Variants in TMEM178B observed in about 807,000 individuals in gnomAD.
TMEM178B encodes transmembrane protein 178B.
Under a neutral mutation model 31.0 loss-of-function variants are expected in TMEM178B, and 5 were observed. The ratio of observed to expected loss-of-function variants is 0.16; its 90% CI spans 0.08 to 0.34. The LOEUF (loss-of-function observed/expected upper bound fraction) is 0.34, where lower values mean the gene tolerates loss of function less well. Ranked by LOEUF, TMEM178B falls within the 10% of genes least tolerant of loss-of-function variation. The pLI is 1.00. For missense variants in TMEM178B, 275 were observed against 400.3 expected, an observed-to-expected ratio of 0.69 and a Z score of 2.67; for synonymous variants, 164 against 164.0, an observed-to-expected ratio of 1.00 and a Z score of 0.00.
chr7:141,245,783 T>A (rs1234202660), intron 2 of TMEM178B, among the ~76,000 whole-genome samples: 1 of 152,236 alleles, frequency 6.6e-6, no homozygotes, highest in African/African-American at 2.4e-5. Flanking sequence ...TCGATCTTCA[T>A]CCAAACCTTT....
intron 1 of TMEM178B, among the ~76,000 whole-genome samples, chr7:141,097,211 A>T (rs1218064996): frequency 6.6e-6 from 1 of 151,458 alleles, no homozygotes; most frequent in Non-Finnish European, 1.5e-5. Flanking sequence ...TGTAATATGA[A>T]TCCTATATCG....
At chr7:141,159,626 G>A (rs553573926) in intron 1 of TMEM178B, among the ~76,000 whole-genome samples, 7 of 152,330 alleles carry the variant, frequency 4.6e-5, no homozygotes, top group South Asian at 2.1e-4. Context: ...TCTCAGAAAC[G>A]AGGGAAATTC....
chr7:141,215,855 TTCTC>T (rs1370606590), intron 2 of TMEM178B, among the ~76,000 whole-genome samples: 28 of 141,758 alleles, frequency 2.0e-4, no homozygotes, highest in Admixed American at 1.4e-3. Context: ...TTTCTTTTCT[TTCTC>T]TTTCTTTCTT....
chr7:141,130,167 C>T (rs1031167454), intron 1 of TMEM178B, among the ~76,000 whole-genome samples: 13 of 152,124 alleles, frequency 8.5e-5, no homozygotes, highest in Non-Finnish European at 2.9e-5. Flanking sequence ...CGAATTTTCC[C>T]CCACGAAGAA....
rs1794573490 is a variant in TMEM178B at position 141,074,955 on chromosome 7, TC to T, written c.382+264del. On this transcript the variant is annotated intron_variant, in intron 1 of 3. Transcript: ENST00000565468. The surrounding 1 kb of genome is among the most constrained non-coding windows in gnomAD (Gnocchi z 5.1). ...CGAGTGGAACCTCATGGTCCAGGGT[TC>T]TTATCCAGGATAATGCTTCATCAGC... Among the ~76,000 whole-genome samples, 1 of 152,236 alleles carries T rather than the reference TC, an allele frequency of 6.6e-6. No individual in the cohort carries two copies. Among genetic ancestry groups the T allele is most frequent in the Non-Finnish European group, 1.5e-5 (1 of 68,038 alleles).
intron 3 of TMEM178B, among the ~76,000 whole-genome samples, chr7:141,469,846 A>T (rs374112213): frequency 6.6e-6 from 1 of 151,062 alleles, no homozygotes; most frequent in Non-Finnish European, 1.5e-5. Flanking sequence ...GAAATTCTGC[A>T]TAAAGTAGGG....
the TMEM178B span, among the ~76,000 whole-genome samples, chr7:141,506,884 T>C: frequency 1.3e-5 from 2 of 152,188 alleles, no homozygotes; most frequent in Non-Finnish European, 1.5e-5. Flanking sequence ...AATACAGCCT[T>C]TCCAAATGGG....
chr7:141,323,095 G>T (rs367892181), intron 2 of TMEM178B, among the ~76,000 whole-genome samples: 12 of 152,194 alleles, frequency 7.9e-5, no homozygotes, highest in Non-Finnish European at 2.9e-5. Flanking sequence ...TTTGAATGCT[G>T]CTTTTCACAG....
intron 2 of TMEM178B, among the ~76,000 whole-genome samples, chr7:141,310,268 A>G (rs535210563): frequency 3.2e-4 from 49 of 152,300 alleles, no homozygotes; most frequent in African/African-American, 1.1e-3. Context: ...AGTGGGCAAA[A>G]GACATGAATA....
chr7:141,280,811 G>A lies in TMEM178B; in HGVS notation c.496+68107G>A, dbSNP rs577024377. ...GAACTGGCATTTGTGCCCAGACCCT[G>A]GGTCTCGGGGGAATGACACAGGTGG... On this transcript the variant is annotated intron_variant, in intron 2 of 3. Transcript: ENST00000565468. Among the ~76,000 whole-genome samples the A allele has an allele frequency of 5.5e-4, 84 of 152,282 alleles. 3 individuals are homozygous for A. The South Asian group carries it at 0.016, about 30-fold the overall frequency.
At chr7:141,294,413 C>G (rs373756172) in intron 2 of TMEM178B, among the ~76,000 whole-genome samples, 1 of 152,212 alleles carries the variant, frequency 6.6e-6, no homozygotes, top group Non-Finnish European at 1.5e-5. Flanking sequence ...CACCAGCTTT[C>G]TCTCTGACAG....
At chr7:141,399,909 A>G (rs975758433) in intron 2 of TMEM178B, among the ~76,000 whole-genome samples, 6 of 152,124 alleles carry the variant, frequency 3.9e-5, no homozygotes, top group African/African-American at 1.4e-4. Context: ...ATATTTGAAA[A>G]TAAGTGCACC....
At chr7:141,201,246 G>A (rs1202591972) in intron 1 of TMEM178B, among the ~76,000 whole-genome samples, 1 of 152,206 alleles carries the variant, frequency 6.6e-6, no homozygotes, top group Non-Finnish European at 1.5e-5. Context: ...TGTGACACCA[G>A]ACCTGGGAGC....
chr7:141,255,616 GA>G (rs1409605635), intron 2 of TMEM178B, among the ~76,000 whole-genome samples: 3 of 151,116 alleles, frequency 2.0e-5, no homozygotes, highest in Non-Finnish European at 4.4e-5. Flanking sequence ...TAAGTTCAAT[GA>G]AAGAGTCACT....
At chr7:141,116,058 G>A (rs1795313467) in intron 1 of TMEM178B, among the ~76,000 whole-genome samples, 1 of 152,126 alleles carries the variant, frequency 6.6e-6, no homozygotes, top group African/African-American at 2.4e-5. Flanking sequence ...TATGGCGCTG[G>A]CAGCTTCAGC....
At chr7:141,182,317 G>A (rs1796542406) in intron 1 of TMEM178B, among the ~76,000 whole-genome samples, 1 of 152,184 alleles carries the variant, frequency 6.6e-6, no homozygotes, top group Non-Finnish European at 1.5e-5. Context: ...GTCCAAGAGG[G>A]TGGGGCCAAC....
chr7:141,281,124 T>A (rs1410566069), intron 2 of TMEM178B, among the ~76,000 whole-genome samples: 1 of 152,152 alleles, frequency 6.6e-6, no homozygotes, highest in Non-Finnish European at 1.5e-5. Flanking sequence ...CAAGGCACCC[T>A]GTTACCGGAG....
chr7:141,474,323 A>C lies in TMEM178B; in HGVS notation c.*3537A>C, dbSNP rs972444767. The C allele has an allele frequency of 1.3e-5, 2 of 152,156 alleles. No individual in the cohort carries two copies. Among genetic ancestry groups the C allele is most frequent in the African/African-American group, 4.8e-5 (2 of 41,422 alleles). 9.4% of individuals were successfully genotyped at this position (152,156 alleles called of 1,614,324 possible). A position where few individuals can be genotyped will look rare whatever the true frequency, so the allele number is the denominator to read the frequency against. On this transcript the variant is annotated 3_prime_UTR_variant, in exon 4 of 4. Coordinates refer to ENST00000565468, the MANE Select transcript of TMEM178B (RefSeq NM_001195278.2). ...ACTCACTCCTACTTTCTCCTGCATC[A>C]ACTTTGGTCAATTAACATAGACAAG...
rs1431131002 is a variant in TMEM178B at position 141,474,871 on chromosome 7, T to C, written c.*4085T>C. 2 of 152,222 alleles carry C rather than the reference T, an allele frequency of 1.3e-5. No individual in the cohort carries two copies. The highest frequency in any genetic ancestry group is 2.9e-5 in the Non-Finnish European group (2 of 68,042). 9.4% of individuals were successfully genotyped at this position (152,222 alleles called of 1,614,324 possible). ...CTCAGGTACATCACCCAGAGGCATT[T>C]AGAATGGACTCTCTCTTCACCTGGA... On this transcript the variant is annotated 3_prime_UTR_variant, in exon 4 of 4. Transcript: ENST00000565468.
Sources: gnomAD v4.1 joint callset for allele counts (sites outside exome capture counted in the v4.1 genomes callset) on GRCh38, gnomAD v4.1.1 for gene constraint, Gnocchi (gnomAD v3.1) non-coding constraint, MANE v1.5 for transcripts, NCBI Gene and HGNC (gene_info 2026-07-23, HGNC 2026-07-21) for gene names.